Variants in FBN2 observed in about 807,000 individuals in gnomAD.
FBN2 encodes the protein fibrillin-2.
FBN2 carries 105 observed loss-of-function variants against 355.6 expected under a neutral mutation model. The observed-to-expected ratio is 0.30, with a 90% confidence interval of 0.25 to 0.35. The LOEUF is 0.35. FBN2 is among the 10% of genes least tolerant of loss of function. FBN2 has a pLI of 1.00. For synonymous variants in FBN2, 1,350 were observed against 1,301.2 expected, an observed-to-expected ratio of 1.04 and a Z score of -0.81; for missense variants, 3,280 against 3,758.7, an observed-to-expected ratio of 0.87 and a Z score of 3.33.
chr5:128,494,716 C>T (rs1233669979), intron 5 of FBN2, among the ~76,000 whole-genome samples: 2 of 152,112 alleles, frequency 1.3e-5, no homozygotes, highest in East Asian at 3.9e-4. Flanking sequence ...CTCTGGGGGG[C>T]AGCATGAAAG....
chr5:128,368,495 T>C lies in FBN2; in HGVS notation c.2248+687A>G, dbSNP rs149650961. Among the ~76,000 whole-genome samples, 446 of 147,734 alleles carry C rather than the reference T, an allele frequency of 3.0e-3. 2 individuals carry two copies. The highest frequency in any genetic ancestry group is 5.1e-3 in the Non-Finnish European group (342 of 67,276). On this transcript the variant is annotated intron_variant, in intron 16 of 64. Coordinates refer to ENST00000262464, the MANE Select transcript of FBN2 (RefSeq NM_001999.4). ...ATATATACATATATATACACATATATATACATATATATATAATCAAATTGA... is the reference window on the plus strand; with the variant it reads ...ATATATACATATATATACACATATACATACATATATATATAATCAAATTGA...
intron 11 of FBN2, among the ~76,000 whole-genome samples, chr5:128,387,141 G>A (rs331072): frequency 0.28 from 43,068 of 151,936 alleles, 6,281 homozygotes; most frequent in Non-Finnish European, 0.32. Context: ...TCTGTTCAGG[G>A]ATTCAATTTC....
rs1434887557 is a variant in FBN2, at chr5:128,312,764, A to G, written c.4749T>C (p.Phe1583=). The G allele has an allele frequency of 1.2e-6, 2 of 1,613,864 alleles. No homozygotes were observed. The highest frequency in any genetic ancestry group is 2.7e-5 in the African/African-American group (2 of 74,918). The part of the protein sequence containing the change: ...DNRVGNCYLK[F]GPRGDGSLSC... ...ACAGACTCCCATCTCCTCGAGGTCC[A>G]AACTTCAGGTAGCAGTTGCCCACAC... is the stretch of plus-strand genomic sequence containing the variant. Residue 1583 remains phenylalanine, a synonymous_variant, in exon 37 of 65, where the codon TTT becomes TTC. Transcript: ENST00000262464.
chr5:128,515,972 A>T (rs1362001034), intron 5 of FBN2, among the ~76,000 whole-genome samples: 1 of 152,236 alleles, frequency 6.6e-6, no homozygotes, highest in Non-Finnish European at 1.5e-5. Flanking sequence ...TGAGCCTTAT[A>T]TAAACTTCAA....
chr5:128,520,702 G>A (rs1366891559), intron 4 of FBN2, among the ~76,000 whole-genome samples: 1 of 152,142 alleles, frequency 6.6e-6, no homozygotes, highest in African/African-American at 2.4e-5. Context: ...AGATGATCTT[G>A]ACCTTAAAGC....
rs28763925 is a variant in FBN2, at chr5:128,277,933, C to A, written c.7418G>T (p.Arg2473Leu). 3.8e-4 allele frequency: 607 copies of A among 1,614,066 alleles called. 1 individual carries two copies. The highest frequency in any genetic ancestry group is 3.5e-4 in the Non-Finnish European group (409 of 1,179,986). ...GQCINTMGSF[R>L]CFCKVGYTTD... ...GGTGTAGCCAACCTTGCAGAAGCAT[C>A]GGAATGAGCCCATGGTATTGATGCA... Residue 2473 changes from arginine (R) to leucine (L), a missense_variant, in exon 58 of 65, where the codon CGA becomes CTA. Physicochemically the swap from Arg to Leu is moderately radical, Grantham distance 102. Coordinates refer to ENST00000262464, the MANE Select transcript of FBN2 (RefSeq NM_001999.4).
chr5:128,424,274 G>A (rs1753430084), intron 7 of FBN2, among the ~76,000 whole-genome samples: 1 of 152,116 alleles, frequency 6.6e-6, no homozygotes, highest in Admixed American at 6.6e-5. Flanking sequence ...TCCATCTGGT[G>A]ACATCGATGA....
intron 41 of FBN2, among the ~76,000 whole-genome samples, chr5:128,308,282 G>T (rs1364945957): frequency 1.3e-5 from 2 of 152,056 alleles, no homozygotes; most frequent in African/African-American, 4.8e-5. Context: ...TCTTAAATTT[G>T]TAACTATGGA....
At chr5:128,426,792 A>G (rs1033210514) in intron 7 of FBN2, among the ~76,000 whole-genome samples, 3 of 152,154 alleles carry the variant, frequency 2.0e-5, no homozygotes, top group African/African-American at 7.2e-5. Flanking sequence ...GGTTGCAGTA[A>G]GGACGTGAGA....
At chr5:128,320,046 A>G (rs1750326527) in intron 34 of FBN2, among the ~76,000 whole-genome samples, 4 of 152,180 alleles carry the variant, frequency 2.6e-5, no homozygotes, top group Admixed American at 2.6e-4. Context: ...GATTTAAGGT[A>G]TGGTTCCAAT....
At chr5:128,284,436 G>A (rs548939588) in intron 55 of FBN2, among the ~76,000 whole-genome samples, 5 of 152,224 alleles carry the variant, frequency 3.3e-5, no homozygotes, top group Admixed American at 1.3e-4. Flanking sequence ...CATGGTATTT[G>A]CCTACCTTTA....
At chr5:128,344,857 C>T (rs989438436) in intron 24 of FBN2, among the ~76,000 whole-genome samples, 5 of 152,096 alleles carry the variant, frequency 3.3e-5, no homozygotes, top group East Asian at 1.9e-4. Context: ...CGAGCCACCA[C>T]GCCCGGCTAA....
At position 128,290,956 on chromosome 5, in the gene FBN2, A is replaced by G. The variant is rs895283536; in HGVS notation, c.6293-72T>C. The G allele has an allele frequency of 1.3e-4, 180 of 1,425,506 alleles. 1 individual carries two copies. The highest frequency in any genetic ancestry group is 1.8e-4 in the Middle Eastern group (1 of 5,710). The allele number at this position is 1,425,506 out of a possible 1,614,324, so 88.3% of individuals were successfully genotyped here. On this transcript the variant is annotated intron_variant, in intron 49 of 64. Coordinates refer to ENST00000262464, the MANE Select transcript of FBN2 (RefSeq NM_001999.4). ...GTTTGGACAGAACATTTCTCATTGT[A>G]GAACACGGGATGCAGACTAGATCAG...
intron 18 of FBN2, among the ~76,000 whole-genome samples, chr5:128,363,855 C>G (rs2126939720): frequency 6.6e-6 from 1 of 152,260 alleles, no homozygotes; most frequent in Admixed American, 6.5e-5. Context: ...GTCTTCAACT[C>G]CAAATCAAAC....
chr5:128,516,525 G>A (rs6893181), intron 5 of FBN2, among the ~76,000 whole-genome samples: 24,596 of 151,844 alleles, frequency 0.16, 3,630 homozygotes, highest in African/African-American at 0.39. Flanking sequence ...CAGTCTCTGG[G>A]TCTGGAAACC....
At chr5:128,397,361 T>C (rs1752676576) in intron 8 of FBN2, among the ~76,000 whole-genome samples, 1 of 152,114 alleles carries the variant, frequency 6.6e-6, no homozygotes, top group African/African-American at 2.4e-5. Context: ...TAAAACACAA[T>C]CAGTGCTACA....
chr5:128,371,711 T>A (rs1217760611), intron 15 of FBN2, among the ~76,000 whole-genome samples: 1 of 152,180 alleles, frequency 6.6e-6, no homozygotes, highest in East Asian at 1.9e-4. Context: ...TTTTGTATTT[T>A]TAGTAGAGAT....
At chr5:128,310,129 T>G in intron 39 of FBN2, 21 bp from the exon 40 acceptor site, 1 of 1,582,714 alleles carries the variant, frequency 6.3e-7, no homozygotes, top group Non-Finnish European at 8.7e-7. Flanking sequence ...CAAGAATATC[T>G]ATTAATTAAT....
intron 5 of FBN2, among the ~76,000 whole-genome samples, chr5:128,511,541 G>A (rs77106158): frequency 1.1e-3 from 171 of 152,194 alleles, no homozygotes; most frequent in African/African-American, 3.8e-3. Context: ...TGTATGATGC[G>A]TCTTCCATTA....
Sources: allele counts gnomAD v4.1 joint callset (sites outside exome capture counted in the v4.1 genomes callset), GRCh38; gene constraint gnomAD v4.1.1; transcripts MANE v1.5; gene names NCBI Gene and HGNC (gene_info 2026-07-23, HGNC 2026-07-21).